TSC2: variants seen among roughly 807,000 people sequenced by gnomAD.
TSC2 encodes TSC complex subunit 2.
In TSC2, 29 loss-of-function variants were observed where a neutral mutation model predicts 202.2. That is an observed-to-expected ratio of 0.14 (90% CI 0.11 to 0.20). The LOEUF (loss-of-function observed/expected upper bound fraction) is 0.20. Ranked by LOEUF, TSC2 falls within the 10% of genes least tolerant of loss-of-function variation. The pLI, the probability that TSC2 is intolerant of heterozygous loss-of-function variation, is 1.00. For missense variants in TSC2, 2,429 were observed against 2,420.0 expected, an observed-to-expected ratio of 1.00 and a Z score of -0.08; for synonymous variants, 1,349 against 1,044.0, an observed-to-expected ratio of 1.29 and a Z score of -5.63.
intron 22 of TSC2, 99 bp downstream of exon 22, chr16:2,074,488 C>T (rs112782966): frequency 3.4e-6 from 5 of 1,459,352 alleles, no homozygotes; most frequent in African/African-American, 2.8e-5. Flanking sequence ...CTTGGGGAAC[C>T]TGGGTGTCTC....
At position 2,088,638 on chromosome 16, in the gene TSC2, C is replaced by A. The variant is rs760755415; in HGVS notation, c.*28C>A. The A allele has an allele frequency of 6.3e-7, 1 of 1,591,866 alleles. No individual in the cohort carries two copies. Among genetic ancestry groups the A allele is most frequent in the East Asian group, 2.3e-5 (1 of 44,240 alleles). ...CCGGGGCCCTCCCTCCTGCACTGGC[C>A]TTGGACGGTATTGCCTGTCAGTGAA... On this transcript the variant is annotated 3_prime_UTR_variant, in exon 42 of 42. Coordinates refer to ENST00000219476, the MANE Select transcript of TSC2 (RefSeq NM_000548.5).
intron 16 of TSC2, among the ~76,000 whole-genome samples, chr16:2,067,155 T>G (rs1177003963): frequency 1.3e-5 from 2 of 149,938 alleles, no homozygotes; most frequent in African/African-American, 4.9e-5. Context: ...TGGTGATGAT[T>G]TTTTTTTTTA....
intron 3 of TSC2, 102 bp downstream of exon 3, chr16:2,050,588 C>G: frequency 2.7e-6 from 2 of 736,944 alleles, no homozygotes; most frequent in Non-Finnish European, 4.4e-6. Context: ...TGCCGATGAT[C>G]TGGTTTGCAC....
intron 22 of TSC2, 165 bp downstream of exon 22, chr16:2,074,554 C>T (rs1596358188): frequency 1.2e-6 from 1 of 842,926 alleles, no homozygotes; most frequent in South Asian, 1.5e-5. Flanking sequence ...GAGTGCTCTC[C>T]TTCCTGGCTT....
chr16:2,053,523 G>A (rs1047837316), intron 4 of TSC2, 71 bp downstream of exon 4: 12 of 1,430,828 alleles, frequency 8.4e-6, no homozygotes, highest in East Asian at 7.5e-5. Flanking sequence ...CTGCTGGGCC[G>A]TGTTTGGACT....
intron 9 of TSC2, among the ~76,000 whole-genome samples, chr16:2,058,467 C>A (rs1244305141): frequency 6.6e-6 from 1 of 152,256 alleles, no homozygotes. Context: ...CTCCCCCAGA[C>A]TGCGAGGCTG....
rs1060504095 is a variant in TSC2 at position 2,079,426 on chromosome 16, G to A, written c.3282G>A (p.Ser1094=). The part of the protein sequence containing the change: ...DSGELQSGPE[S]SSSPGVHVRQ... ...GGGAGCTGCAGTCCGGCCCGGAGTC[G>A]AGGTGACTGCACCTTCCTTTCCTCC... Residue 1094 remains serine (S), a splice_region_variant and synonymous_variant, in exon 28 of 42, where the codon TCG becomes TCA. Coordinates refer to ENST00000219476, the MANE Select transcript of TSC2 (RefSeq NM_000548.5). This position sits in a 1 kb window ranked among gnomAD's most constrained non-coding sequence, Gnocchi z 4.6. The A allele has an allele frequency of 4.3e-6, 7 of 1,612,648 alleles. No homozygotes were observed. The highest frequency in any genetic ancestry group is 2.7e-5 in the African/African-American group (2 of 74,934).
intron 18 of TSC2, 32 bp from the exon 19 acceptor site, chr16:2,071,752 C>A: frequency 1.2e-6 from 2 of 1,601,674 alleles, no homozygotes; most frequent in South Asian, 1.1e-5. Context: ...GCTGCGGGGA[C>A]TTGGCCTCAG....
At chr16:2,062,292 AC>A (rs1419610580) in intron 12 of TSC2, among the ~76,000 whole-genome samples, 1 of 152,188 alleles carries the variant, frequency 6.6e-6, no homozygotes, top group East Asian at 1.9e-4. Context: ...TTTGCCAGGA[AC>A]ACTCAGCTTA....
chr16:2,051,374 G>A (rs1305140225), intron 3 of TSC2, among the ~76,000 whole-genome samples: 2 of 151,860 alleles, frequency 1.3e-5, no homozygotes, highest in East Asian at 1.9e-4. Flanking sequence ...ATGCTCACTC[G>A]CTCTCTCCTG....
chr16:2,076,391 C>T, intron 24 of TSC2, 100 bp from the exon 25 acceptor site: 2 of 1,587,598 alleles, frequency 1.3e-6, no homozygotes, highest in East Asian at 2.2e-5. Flanking sequence ...TTGCCCCTAG[C>T]CTGCAGCTTG....
intron 36 of TSC2, among the ~76,000 whole-genome samples, chr16:2,085,908 G>A (rs1038926373): frequency 6.6e-6 from 1 of 152,220 alleles, no homozygotes; most frequent in Admixed American, 6.5e-5. Flanking sequence ...CCGTGGGAGT[G>A]GGGTAGGCCC....
chr16:2,072,679 G>A, intron 20 of TSC2, 170 bp from the exon 21 acceptor site: 1 of 1,097,816 alleles, frequency 9.1e-7, no homozygotes, highest in Non-Finnish European at 1.3e-6. Flanking sequence ...TACTTGGCAG[G>A]CACTCCCACC....
intron 4 of TSC2, chr16:2,054,083 T>C: frequency 1.5e-6 from 1 of 673,530 alleles, no homozygotes; most frequent in Non-Finnish European, 2.5e-6. Context: ...ACACAGCAGT[T>C]GCTCCCCATA....
At chr16:2,083,107 G>A (rs918021948) in intron 32 of TSC2, 3 of 455,122 alleles carry the variant, frequency 6.6e-6, no homozygotes, top group African/African-American at 6.0e-5. Flanking sequence ...CAGGGCTGTG[G>A]GGCGCCCGGG....
rs137854184 is a variant in TSC2, at chr16:2,088,661, GAAAT to G, written c.*59_*62del. ...GCCTTGGACGGTATTGCCTGTCAGT[GAAAT>G]AAATAAAGTCCTGACCCCAGTGCAC... On this transcript the variant is annotated 3_prime_UTR_variant, in exon 42 of 42. Transcript: ENST00000219476. 4,126 of 1,562,330 alleles carry G rather than the reference GAAAT, an allele frequency of 2.6e-3. 42 individuals carry two copies. The African/African-American group carries it at 0.034, about 13-fold the overall frequency.
intron 17 of TSC2, 138 bp downstream of exon 17, chr16:2,070,716 G>A: frequency 7.0e-7 from 1 of 1,425,958 alleles, no homozygotes; most frequent in East Asian, 2.5e-5. Flanking sequence ...TGCACCCACT[G>A]TGGCCGCAGC....
At chr16:2,077,259 G>A (rs529106502) in intron 25 of TSC2, 8 of 372,960 alleles carry the variant, frequency 2.1e-5, no homozygotes, top group East Asian at 6.5e-5. Flanking sequence ...TGCCTTCCGC[G>A]GGTGGGTGGG....
Position 2,088,638 on chromosome 16 carries a change from C to G in TSC2, c.*28C>G. The G allele has an allele frequency of 6.3e-7, 1 of 1,591,866 alleles. No individual in the cohort carries two copies. The highest frequency in any genetic ancestry group is 8.5e-7 in the Non-Finnish European group (1 of 1,176,100). On this transcript the variant is annotated 3_prime_UTR_variant, in exon 42 of 42. Coordinates refer to ENST00000219476, the MANE Select transcript of TSC2 (RefSeq NM_000548.5). The stretch of plus-strand genomic sequence containing the variant: ...CCGGGGCCCTCCCTCCTGCACTGGC[C>G]TTGGACGGTATTGCCTGTCAGTGAA...
Sources: gnomAD v4.1 joint callset for allele counts (sites outside exome capture counted in the v4.1 genomes callset) on GRCh38, gnomAD v4.1.1 for gene constraint, Gnocchi (gnomAD v3.1) non-coding constraint, MANE v1.5 for transcripts, NCBI Gene and HGNC (gene_info 2026-07-23, HGNC 2026-07-21) for gene names.